The following COL4A2 variants were observed in gnomAD, a reference collection of about 807,000 sequenced individuals.
The protein encoded by COL4A2 is collagen alpha-2(IV) chain.
In COL4A2, 99 loss-of-function variants were observed where a neutral mutation model predicts 200.2. That is an observed-to-expected ratio of 0.49 (90% CI 0.42 to 0.58). The LOEUF (loss-of-function observed/expected upper bound fraction) is 0.58. COL4A2 is among the 20% of genes least tolerant of loss of function. The pLI, the probability that COL4A2 is intolerant of heterozygous loss-of-function variation, is 0.00. For missense variants in COL4A2, 1,950 were observed against 2,314.1 expected, an observed-to-expected ratio of 0.84 and a Z score of 3.23; for synonymous variants, 897 against 900.6, an observed-to-expected ratio of 1.00 and a Z score of 0.07.
At position 110,345,515 on chromosome 13, in the gene COL4A2, G is replaced by A. The variant is rs557355665; in HGVS notation, c.100-11957G>A. On this transcript the variant is annotated intron_variant, in intron 3 of 47. Transcript: ENST00000360467. ...CCTCACCTTCCCTATGGGTACAGTC[G>A]AGGCCTCCTCAAACACACCAGCCAC... Among the ~76,000 whole-genome samples the A allele has an allele frequency of 9.9e-5, 15 of 152,134 alleles. No homozygotes were observed. In the East Asian group the frequency reaches 2.1e-3, roughly 22 times the overall value.
intron 28 of COL4A2, among the ~76,000 whole-genome samples, chr13:110,471,098 A>G (rs1391670181): frequency 1.3e-5 from 2 of 152,220 alleles, no homozygotes; most frequent in East Asian, 1.9e-4. Context: ...TCATGATTTC[A>G]TATATACTAA....
At chr13:110,311,942 C>T (rs1884996084) in intron 3 of COL4A2, among the ~76,000 whole-genome samples, 1 of 151,562 alleles carries the variant, frequency 6.6e-6, no homozygotes, top group African/African-American at 2.4e-5. Flanking sequence ...GCTGCCACCG[C>T]CTTCCCTGCC....
intron 28 of COL4A2, among the ~76,000 whole-genome samples, chr13:110,472,477 A>AG (rs1421946557): frequency 6.6e-6 from 1 of 152,096 alleles, no homozygotes; most frequent in Non-Finnish European, 1.5e-5. Context: ...GGTTTCTACC[A>AG]GGGAGATGTT....
chr13:110,461,933 C>G lies in COL4A2; in HGVS notation c.1597-181C>G. 3 of 829,350 alleles carry G rather than the reference C, an allele frequency of 3.6e-6. 1 individual carries two copies. The South Asian group carries it at 5.4e-5, about 15-fold the overall frequency. The allele number at this position is 829,350 out of a possible 1,614,324, so 51.4% of individuals were successfully genotyped here. On this transcript the variant is annotated intron_variant, in intron 22 of 47. Coordinates refer to ENST00000360467, the MANE Select transcript of COL4A2 (RefSeq NM_001846.4). ...TCCACAGCCACTGTGGCCAGTGGCC[C>G]CACACTGGACAGCTGGATGGGGGCG...
intron 4 of COL4A2, among the ~76,000 whole-genome samples, chr13:110,372,022 CCTCT>C (rs35731878): frequency 1.3e-5 from 2 of 151,424 alleles, no homozygotes; most frequent in African/African-American, 2.4e-5. Flanking sequence ...ATTCCGCTCA[CCTCT>C]CTCTCTCTCT....
At chr13:110,437,605 A>T (rs1030679254) in intron 13 of COL4A2, among the ~76,000 whole-genome samples, 4 of 152,200 alleles carry the variant, frequency 2.6e-5, no homozygotes, top group East Asian at 1.9e-4. Context: ...TTCCATGTGT[A>T]TCTTTTTCTC....
intron 22 of COL4A2, 194 bp downstream of exon 22, chr13:110,459,128 A>G (rs2139494178): frequency 1.9e-6 from 1 of 513,092 alleles, no homozygotes; most frequent in African/African-American, 2.0e-5. Context: ...TGAGACTGAG[A>G]AGGGGCGCTG....
At chr13:110,509,879 C>G (rs1447374057) in intron 47 of COL4A2, among the ~76,000 whole-genome samples, 1 of 152,188 alleles carries the variant, frequency 6.6e-6, no homozygotes, top group Non-Finnish European at 1.5e-5. Context: ...AGAAAGTCCC[C>G]ATTGTCCCTG....
Position 110,489,561 on chromosome 13 carries a change from G to T in COL4A2, c.3271+53G>T. ...GGGAGTCCACAATTCAGAGCTCTCTGAGCATGTGAGCCAATTTCAGACCTG... is the reference window on the plus strand; with the variant it reads ...GGGAGTCCACAATTCAGAGCTCTCTTAGCATGTGAGCCAATTTCAGACCTG... On this transcript the variant is annotated intron_variant, in intron 35 of 47. Transcript: ENST00000360467. 3 of 1,604,712 alleles carry T rather than the reference G, an allele frequency of 1.9e-6. No individual in the cohort carries two copies. The South Asian group carries it at 3.3e-5, about 18-fold the overall frequency.
At chr13:110,311,062 T>C (rs1482488876) in intron 3 of COL4A2, among the ~76,000 whole-genome samples, 1 of 152,046 alleles carries the variant, frequency 6.6e-6, no homozygotes, top group African/African-American at 2.4e-5. Context: ...GTGTGGGTGC[T>C]TTCTTCTTGG....
chr13:110,312,915 C>G lies in COL4A2; in HGVS notation c.99+4792C>G, dbSNP rs79023380. ...GTGTGGAATGGATCTCTCAGGTGAT[C>G]AACATACCATGAGTAAGTTAGAGGT... On this transcript the variant is annotated intron_variant, in intron 3 of 47. Coordinates refer to ENST00000360467, the MANE Select transcript of COL4A2 (RefSeq NM_001846.4). 2.9e-3 allele frequency among the ~76,000 whole-genome samples: 436 copies of G among 152,288 alleles called. 2 individuals are homozygous for G. The highest frequency in any genetic ancestry group is 1.0e-2 in the African/African-American group (415 of 41,536).
intron 4 of COL4A2, among the ~76,000 whole-genome samples, chr13:110,366,044 G>T (rs1198533467): frequency 6.6e-6 from 1 of 152,176 alleles, no homozygotes; most frequent in South Asian, 2.1e-4. Context: ...CTAAAATGCT[G>T]ACTTTCGAAA....
intron 9 of COL4A2, 54 bp downstream of exon 9, chr13:110,430,490 A>G: frequency 6.2e-7 from 1 of 1,614,022 alleles, no homozygotes; most frequent in Non-Finnish European, 8.5e-7. Context: ...GAGCTTCAGA[A>G]CTCCAAGTAC....
At chr13:110,421,786 A>C (rs1245056381) in intron 4 of COL4A2, among the ~76,000 whole-genome samples, 1 of 152,254 alleles carries the variant, frequency 6.6e-6, no homozygotes, top group African/African-American at 2.4e-5. Flanking sequence ...AGAGTTTTTC[A>C]TTCCAAAGTC....
intron 36 of COL4A2, among the ~76,000 whole-genome samples, chr13:110,490,603 G>A (rs1883255727): frequency 6.6e-6 from 1 of 152,222 alleles, no homozygotes; most frequent in African/African-American, 2.4e-5. Context: ...TTTGTTATCT[G>A]TGACCTGGGC....
At chr13:110,444,752 G>A (rs1881259495) in intron 16 of COL4A2, among the ~76,000 whole-genome samples, 1 of 152,230 alleles carries the variant, frequency 6.6e-6, no homozygotes, top group South Asian at 2.1e-4. Flanking sequence ...TTTTTAGAGA[G>A]CTTTACTCTT....
intron 18 of COL4A2, among the ~76,000 whole-genome samples, chr13:110,448,599 A>T (rs1316730949): frequency 6.6e-6 from 1 of 152,244 alleles, no homozygotes; most frequent in East Asian, 1.9e-4. Context: ...GACAAAAAGG[A>T]TAGAGGGGTT....
At chr13:110,457,145 G>C (rs1310038485) in intron 20 of COL4A2, 198 bp from the exon 21 acceptor site, 1 of 389,244 alleles carries the variant, frequency 2.6e-6, no homozygotes, top group East Asian at 3.7e-5. Context: ...TCGTGGGGCT[G>C]ATGCCGTGCG....
intron 4 of COL4A2, among the ~76,000 whole-genome samples, chr13:110,362,603 G>A (rs1291580365): frequency 6.6e-6 from 1 of 152,016 alleles, no homozygotes; most frequent in African/African-American, 2.4e-5. Flanking sequence ...TTACAGGTGT[G>A]AGCCACCACA....
Sources: allele counts gnomAD v4.1 joint callset (sites outside exome capture counted in the v4.1 genomes callset), GRCh38; gene constraint gnomAD v4.1.1; transcripts MANE v1.5; gene names NCBI Gene and HGNC (gene_info 2026-07-23, HGNC 2026-07-21).